The following CFAP61 variants were observed in gnomAD, a reference collection of about 807,000 sequenced individuals.
CFAP61 encodes cilia and flagella associated protein 61, also known as cilia- and flagella-associated protein 61.
A neutral mutation model predicts 135.6 loss-of-function variants in CFAP61; 107 were observed. The ratio of observed to expected loss-of-function variants is 0.79; its 90% CI spans 0.67 to 0.93. CFAP61 has a LOEUF of 0.93. Among genes scored for constraint, CFAP61 ranks in the 40% least tolerant of loss-of-function variants. CFAP61 has a pLI of 0.00. For synonymous variants in CFAP61, 575 were observed against 578.5 expected, an observed-to-expected ratio of 0.99 and a Z score of 0.09; for missense variants, 1,507 against 1,556.2, an observed-to-expected ratio of 0.97 and a Z score of 0.53.
intron 2 of CFAP61, 94 bp downstream of exon 2, chr20:20,056,890 G>A: frequency 8.7e-7 from 1 of 1,152,240 alleles, no homozygotes; most frequent in South Asian, 1.4e-5. Flanking sequence ...GGCCAAGGCA[G>A]GCAGATCACC....
intron 19 of CFAP61, among the ~76,000 whole-genome samples, chr20:20,246,974 T>C (rs1398001957): frequency 1.3e-5 from 2 of 152,218 alleles, no homozygotes; most frequent in African/African-American, 4.8e-5. Flanking sequence ...TATAATTTTA[T>C]CAGACTATAA....
intron 25 of CFAP61, among the ~76,000 whole-genome samples, chr20:20,323,859 C>G (rs888773474): frequency 6.6e-6 from 1 of 152,088 alleles, no homozygotes; most frequent in Non-Finnish European, 1.5e-5. Flanking sequence ...CAATATTTCA[C>G]GTGCTGATTT....
chr20:20,066,082 A>G (rs951836047), intron 2 of CFAP61, among the ~76,000 whole-genome samples: 3 of 152,246 alleles, frequency 2.0e-5, no homozygotes, highest in Non-Finnish European at 2.9e-5. Context: ...AAAAATGCTC[A>G]TCATCACTGG....
chr20:20,240,095 A>C (rs2146965905), intron 18 of CFAP61, among the ~76,000 whole-genome samples: 1 of 152,316 alleles, frequency 6.6e-6, no homozygotes, highest in South Asian at 2.1e-4. Context: ...GAGGCGACCA[A>C]GAGCTTTGTT....
intron 7 of CFAP61, among the ~76,000 whole-genome samples, chr20:20,096,787 A>G (rs1005048714): frequency 6.6e-6 from 1 of 152,238 alleles, no homozygotes; most frequent in African/African-American, 2.4e-5. Context: ...TTTGTTCACG[A>G]GTGCAAACAA....
At chr20:20,118,269 C>CTT (rs1274006020) in intron 8 of CFAP61, among the ~76,000 whole-genome samples, 2 of 76,024 alleles carry the variant, frequency 2.6e-5, no homozygotes, top group Admixed American at 1.5e-4. Flanking sequence ...TTCTTTCTTT[C>CTT]TTTCTTTCTT....
chr20:20,067,778 A>T (rs925922684), intron 2 of CFAP61, among the ~76,000 whole-genome samples: 4 of 117,002 alleles, frequency 3.4e-5, no homozygotes, highest in African/African-American at 1.1e-4. Context: ...TGTATTTATT[A>T]TATATATATA....
intron 6 of CFAP61, among the ~76,000 whole-genome samples, chr20:20,088,015 G>A (rs761326): frequency 0.61 from 92,308 of 151,940 alleles, 28,392 homozygotes; most frequent in East Asian, 0.82. Context: ...CCTACCTTTT[G>A]TAAATTATTG....
At chr20:20,290,424 C>G (rs761356214) in intron 24 of CFAP61, 33 bp downstream of exon 24, 8 of 1,391,124 alleles carry the variant, frequency 5.8e-6, no homozygotes, top group Admixed American at 1.7e-5. Flanking sequence ...ATTTTACTTT[C>G]AAATACAAAA....
intron 9 of CFAP61, among the ~76,000 whole-genome samples, chr20:20,154,991 A>G (rs1488099412): frequency 6.6e-6 from 1 of 152,180 alleles, no homozygotes; most frequent in African/African-American, 2.4e-5. Context: ...AAAAGAAGAA[A>G]TCTGGAGGCA....
intron 13 of CFAP61, among the ~76,000 whole-genome samples, chr20:20,181,274 T>TGTACAC (rs1190768293): frequency 0.051 from 1,669 of 32,814 alleles, 40 homozygotes; most frequent in African/African-American, 0.14. Flanking sequence ...TATGTGTATG[T>TGTACAC]ATACACACAC....
chr20:20,085,361 CT>C, intron 6 of CFAP61: 1 of 1,312,556 alleles, frequency 7.6e-7, no homozygotes. Context: ...TGATGTCATA[CT>C]TTATCATTAG....
chr20:20,078,264 C>A (rs11906004), intron 6 of CFAP61, among the ~76,000 whole-genome samples: 15,395 of 152,176 alleles, frequency 0.1, 2,615 homozygotes, highest in African/African-American at 0.35. Flanking sequence ...TGTTAGAATA[C>A]CCTTGGCTGA....
At chr20:20,296,376 TTCCCTCCCTCCC>T (rs1360867335) in intron 24 of CFAP61, among the ~76,000 whole-genome samples, 91 of 54,492 alleles carry the variant, frequency 1.7e-3, no homozygotes, top group Admixed American at 8.0e-3. Flanking sequence ...TCATCCCTCC[TTCCCTCCCTCCC>T]TCCTTCCTGC....
At chr20:20,053,682 T>A (rs1267768951) in intron 1 of CFAP61, among the ~76,000 whole-genome samples, 1 of 152,234 alleles carries the variant, frequency 6.6e-6, no homozygotes, top group Admixed American at 6.5e-5. Context: ...ATAACCAACA[T>A]CAATGTATTT....
intron 9 of CFAP61, 151 bp from the exon 10 acceptor site, chr20:20,159,219 G>A (rs2053196941): frequency 1.6e-6 from 1 of 637,312 alleles, no homozygotes; most frequent in African/African-American, 1.8e-5. Flanking sequence ...TTTCACAGAG[G>A]AGGAAACTGA....
At chr20:20,251,182 C>G (rs2050858656) in intron 19 of CFAP61, among the ~76,000 whole-genome samples, 1 of 152,146 alleles carries the variant, frequency 6.6e-6, no homozygotes, top group Non-Finnish European at 1.5e-5. Flanking sequence ...TTTGGGAATC[C>G]TCAACAATGT....
intron 2 of CFAP61, among the ~76,000 whole-genome samples, chr20:20,068,897 A>G (rs1418085688): frequency 6.6e-6 from 1 of 152,188 alleles, no homozygotes; most frequent in Non-Finnish European, 1.5e-5. Flanking sequence ...GGCATGTGCC[A>G]TCACGCCCAG....
At chr20:20,094,880 G>A (rs961552061) in intron 7 of CFAP61, 1 of 152,204 alleles carries the variant, frequency 6.6e-6, no homozygotes, top group African/African-American at 2.4e-5. Context: ...CAATGCTGTT[G>A]CTACCCTTTT....
Sources: gnomAD v4.1 joint callset for allele counts (sites outside exome capture counted in the v4.1 genomes callset) on GRCh38, gnomAD v4.1.1 for gene constraint, MANE v1.5 for transcripts, NCBI Gene and HGNC (gene_info 2026-07-23, HGNC 2026-07-21) for gene names.